DCHS2: variants seen among roughly 807,000 people sequenced by gnomAD.
The protein encoded by DCHS2 is protocadherin-23.
DCHS2 carries 142 observed loss-of-function variants against 182.4 expected under a neutral mutation model. That is an observed-to-expected ratio of 0.78 (90% CI 0.68 to 0.89). The LOEUF is 0.89. Among genes scored for constraint, DCHS2 ranks in the 40% least tolerant of loss-of-function variants. The pLI, the probability that DCHS2 is intolerant of heterozygous loss-of-function variation, is 0.00. For missense variants in DCHS2, 4,319 were observed against 4,198.6 expected, an observed-to-expected ratio of 1.03 and a Z score of -0.79; for synonymous variants, 1,740 against 1,663.3, an observed-to-expected ratio of 1.05 and a Z score of -1.12.
intron 10 of DCHS2, 128 bp downstream of exon 10, chr4:154,315,620 G>T: frequency 7.4e-7 from 1 of 1,356,898 alleles, no homozygotes; most frequent in South Asian, 1.5e-5. Context: ...AATGAAAGAA[G>T]TATTACAAAT....
intron 1 of DCHS2, among the ~76,000 whole-genome samples, chr4:154,484,119 A>AT (rs941890905): frequency 3.3e-5 from 5 of 152,096 alleles, no homozygotes; most frequent in African/African-American, 9.7e-5. Context: ...ACATGGTGTT[A>AT]TTTTTTACTC....
chr4:154,237,981 AT>A (rs1455328406), intron 19 of DCHS2, among the ~76,000 whole-genome samples: 7 of 152,186 alleles, frequency 4.6e-5, no homozygotes, highest in African/African-American at 1.2e-4. Context: ...TGTTTTAAAA[AT>A]ATTTGAATCA....
Position 154,446,053 on chromosome 4 carries a change from T to A in DCHS2, c.2052+43251A>T, listed in dbSNP as rs981605613. ...CTTTTTAAAATAATTTCATCTACAT[T>A]TTCCTGTCAGAAAGAACTCTTCACC... On this transcript the variant is annotated intron_variant, in intron 1 of 19. Transcript: ENST00000357232. Among the ~76,000 whole-genome samples, 12 of 152,226 alleles carry A rather than the reference T, an allele frequency of 7.9e-5. No individual in the cohort carries two copies. In the South Asian group the frequency reaches 2.5e-3, roughly 31 times the overall value.
chr4:154,429,744 T>TTTCAAAAC (rs1273729880), intron 1 of DCHS2, among the ~76,000 whole-genome samples: 3 of 152,148 alleles, frequency 2.0e-5, no homozygotes, highest in Admixed American at 1.3e-4. Context: ...AATTTCAAAA[T>TTTCAAAAC]TTCAAAACTT....
chr4:154,329,442 T>C (rs140998835), intron 6 of DCHS2, 81 bp downstream of exon 6: 2 of 1,363,160 alleles, frequency 1.5e-6, no homozygotes, highest in African/African-American at 2.9e-5. Flanking sequence ...ATGTGATAAA[T>C]TCACAGGTTT....
Position 154,351,000 on chromosome 4 carries a change from C to A in DCHS2, c.2476+15210G>T, listed in dbSNP as rs189125040. Among the ~76,000 whole-genome samples, 6 of 152,234 alleles carry A rather than the reference C, an allele frequency of 3.9e-5. 1 individual carries two copies. In the East Asian group the frequency reaches 1.2e-3, roughly 29 times the overall value. The stretch of plus-strand genomic sequence containing the variant: ...GGAAGAGGGACACCCATTGGCCATG[C>A]CTTCAAGAAGTTCTTGTTCTGGTTT... On this transcript the variant is annotated intron_variant, in intron 3 of 19. Coordinates refer to ENST00000357232, the MANE Select transcript of DCHS2 (RefSeq NM_001358235.2).
chr4:154,440,185 C>T (rs1024413214), intron 1 of DCHS2, among the ~76,000 whole-genome samples: 1 of 152,148 alleles, frequency 6.6e-6, no homozygotes, highest in Admixed American at 6.5e-5. Context: ...GAGGAAAGGA[C>T]TAGAGTGAGA....
chr4:154,386,329 G>C (rs1187770506), intron 1 of DCHS2, among the ~76,000 whole-genome samples: 1 of 152,118 alleles, frequency 6.6e-6, no homozygotes, highest in Non-Finnish European at 1.5e-5. Flanking sequence ...ACACTGGCTT[G>C]TTCCCACCTT....
rs765510888 is a variant in DCHS2, at chr4:154,366,352, C to T, written c.2334G>A (p.Thr778=). The change falls in exon 3 of 20, where the codon ACG becomes ACA. Residue 778 remains threonine, a synonymous_variant. Transcript: ENST00000357232. ...HPVFNPSTYV[T]SISDETQPGT... ...CTGGCTGGGTCTCATCACTGATGCT[C>T]GTCACATAGGTTGATGGGTTAAACA... 8.7e-6 allele frequency: 14 copies of T among 1,613,692 alleles called. No homozygotes were observed. Among genetic ancestry groups the T allele is most frequent in the South Asian group, 3.3e-5 (3 of 91,050 alleles).
intron 7 of DCHS2, among the ~76,000 whole-genome samples, chr4:154,324,659 C>T (rs1388084): frequency 0.81 from 122,646 of 152,136 alleles, 51,994 homozygotes; most frequent in South Asian, 0.94. Context: ...AGAAGCTCCC[C>T]TCCATTCTTT....
intron 1 of DCHS2, among the ~76,000 whole-genome samples, chr4:154,419,083 G>A (rs1732990941): frequency 6.6e-6 from 1 of 151,750 alleles, no homozygotes; most frequent in Non-Finnish European, 1.5e-5. Context: ...GGCCTCCTGA[G>A]TAGGTGACTC....
intron 1 of DCHS2, among the ~76,000 whole-genome samples, chr4:154,465,681 A>T (rs960526581): frequency 6.6e-6 from 1 of 151,934 alleles, no homozygotes; most frequent in Non-Finnish European, 1.5e-5. Context: ...AAAAAAAAAA[A>T]GTGACATACC....
intron 1 of DCHS2, among the ~76,000 whole-genome samples, chr4:154,418,414 C>A (rs937152987): frequency 6.6e-6 from 1 of 152,172 alleles, no homozygotes; most frequent in Non-Finnish European, 1.5e-5. Flanking sequence ...GCTGAGAGTG[C>A]CTTTAATCCA....
chr4:154,436,066 A>G (rs1388088), intron 1 of DCHS2, among the ~76,000 whole-genome samples: 77,622 of 152,080 alleles, frequency 0.51, 20,963 homozygotes, highest in Middle Eastern at 0.67. Flanking sequence ...GGGTCAAAGC[A>G]TAACCTTCTT....
chr4:154,381,155 T>C (rs969310176), intron 1 of DCHS2, among the ~76,000 whole-genome samples: 16 of 152,100 alleles, frequency 1.1e-4, no homozygotes, highest in African/African-American at 3.4e-4. Context: ...TACAGCACTC[T>C]AAATAACATT....
chr4:154,395,997 G>C (rs1247756291), intron 1 of DCHS2, among the ~76,000 whole-genome samples: 1 of 152,166 alleles, frequency 6.6e-6, no homozygotes. Context: ...CCATTTTGTA[G>C]GTTAGGAAAT....
At chr4:154,349,420 G>T (rs1033133025) in intron 3 of DCHS2, among the ~76,000 whole-genome samples, 12 of 152,136 alleles carry the variant, frequency 7.9e-5, no homozygotes, top group African/African-American at 2.7e-4. Context: ...CTCCATTTTG[G>T]TCTGGTCTGT....
intron 1 of DCHS2, among the ~76,000 whole-genome samples, chr4:154,465,408 T>C (rs1346744285): frequency 3.3e-5 from 5 of 152,102 alleles, no homozygotes; most frequent in Non-Finnish European, 7.4e-5. Flanking sequence ...GTGGCTCACG[T>C]CTGTAATCCT....
intron 1 of DCHS2, among the ~76,000 whole-genome samples, chr4:154,483,837 A>G (rs1736015198): frequency 6.6e-6 from 1 of 152,160 alleles, no homozygotes; most frequent in Non-Finnish European, 1.5e-5. Context: ...CGTCTCAGCC[A>G]GCGTCCTTAG....
Sources: gnomAD v4.1 joint callset for allele counts (sites outside exome capture counted in the v4.1 genomes callset) on GRCh38, gnomAD v4.1.1 for gene constraint, MANE v1.5 for transcripts, NCBI Gene and HGNC (gene_info 2026-07-23, HGNC 2026-07-21) for gene names.